The following AFF3 variants were observed in gnomAD, a reference collection of about 807,000 sequenced individuals.
AFF3 encodes the protein ALF transcription elongation factor 3, also known as AF4/FMR2 family member 3.
A neutral mutation model predicts 129.7 loss-of-function variants in AFF3; 32 were observed. The ratio of observed to expected loss-of-function variants is 0.25; its 90% confidence interval spans 0.19 to 0.33. The LOEUF is 0.33. Ranked by LOEUF, AFF3 falls within the 10% of genes least tolerant of loss-of-function variation. The pLI is 1.00. For missense variants in AFF3, 1,373 were observed against 1,592.0 expected, an observed-to-expected ratio of 0.86 and a Z score of 2.34; for synonymous variants, 644 against 635.4, an observed-to-expected ratio of 1.01 and a Z score of -0.20.
At chr2:99,831,525 CA>C (rs1248562598) in intron 8 of AFF3, among the ~76,000 whole-genome samples, 1 of 152,172 alleles carries the variant, frequency 6.6e-6, no homozygotes, top group Non-Finnish European at 1.5e-5. Flanking sequence ...GGGGAATTTA[CA>C]CATTTGAAGG....
chr2:99,672,016 A>G (rs9678859), intron 12 of AFF3, among the ~76,000 whole-genome samples: 128,057 of 152,084 alleles, frequency 0.84, 53,981 homozygotes, highest in East Asian at 0.92. Flanking sequence ...TACTGAGCAT[A>G]ATTACTTTTT....
At chr2:100,016,731 A>C (rs1483628892) in intron 4 of AFF3, among the ~76,000 whole-genome samples, 1 of 142,146 alleles carries the variant, frequency 7.0e-6, no homozygotes, top group Non-Finnish European at 1.5e-5. Flanking sequence ...AGCGATGGTG[A>C]TAGTATTGGT....
chr2:99,665,300 G>T (rs1686582308), intron 12 of AFF3, among the ~76,000 whole-genome samples: 1 of 152,194 alleles, frequency 6.6e-6, no homozygotes, highest in Non-Finnish European at 1.5e-5. Context: ...AAATACAATA[G>T]TTTATACCAG....
At chr2:100,088,058 T>C (rs1284782637) in intron 4 of AFF3, among the ~76,000 whole-genome samples, 317 of 148,138 alleles carry the variant, frequency 2.1e-3, no homozygotes, top group South Asian at 0.011. Context: ...AACCAACAGA[T>C]AATATCACAC....
intron 7 of AFF3, among the ~76,000 whole-genome samples, chr2:99,947,376 G>A (rs749167335): frequency 2.6e-5 from 4 of 152,172 alleles, no homozygotes; most frequent in African/African-American, 4.8e-5. Flanking sequence ...CTGGGAGGCA[G>A]AGGTTGCAGC....
At chr2:99,804,346 C>T (rs954482530) in intron 8 of AFF3, among the ~76,000 whole-genome samples, 10 of 152,184 alleles carry the variant, frequency 6.6e-5, no homozygotes. Context: ...TGTTCAACAT[C>T]AGTAATCATC....
intron 7 of AFF3, among the ~76,000 whole-genome samples, chr2:99,969,367 T>TA (rs532475399): frequency 2.2e-4 from 34 of 152,358 alleles, no homozygotes; most frequent in Non-Finnish European, 4.0e-4. Flanking sequence ...TGGGATGGAG[T>TA]AAACTCCTTT....
intron 11 of AFF3, among the ~76,000 whole-genome samples, chr2:99,698,117 C>T (rs1234203111): frequency 6.6e-6 from 1 of 152,176 alleles, no homozygotes; most frequent in Non-Finnish European, 1.5e-5. Flanking sequence ...CAAGAGCTAG[C>T]CCATCTCTGA....
intron 13 of AFF3, among the ~76,000 whole-genome samples, chr2:99,643,719 C>T (rs922429523): frequency 6.6e-6 from 1 of 152,174 alleles, no homozygotes; most frequent in African/African-American, 2.4e-5. Context: ...CCTACACTGC[C>T]AGGTGGGTAC....
chr2:99,919,349 T>A (rs775378098), intron 7 of AFF3, among the ~76,000 whole-genome samples: 1 of 152,172 alleles, frequency 6.6e-6, no homozygotes, highest in East Asian at 1.9e-4. Flanking sequence ...ATCTGTTTTA[T>A]GCCCTCTTGT....
chr2:99,868,653 T>A (rs1345339915), intron 7 of AFF3, among the ~76,000 whole-genome samples: 2 of 152,110 alleles, frequency 1.3e-5, no homozygotes, highest in Non-Finnish European at 2.9e-5. Context: ...TTAACCAGTA[T>A]CATCTATGAT....
chr2:99,641,648 A>G (rs963913725), intron 13 of AFF3, among the ~76,000 whole-genome samples: 1 of 152,214 alleles, frequency 6.6e-6, no homozygotes, highest in Admixed American at 6.5e-5. Context: ...ACTGTACTCC[A>G]GCCTGGGCAA....
chr2:100,048,930 A>G (rs1161543805), intron 4 of AFF3, among the ~76,000 whole-genome samples: 7 of 152,180 alleles, frequency 4.6e-5, no homozygotes, highest in African/African-American at 1.7e-4. Flanking sequence ...TAAAAAGCAA[A>G]TTCGGTTTTT....
At chr2:100,069,742 T>C (rs1369262829) in intron 4 of AFF3, among the ~76,000 whole-genome samples, 1 of 152,246 alleles carries the variant, frequency 6.6e-6, no homozygotes, top group Non-Finnish European at 1.5e-5. Flanking sequence ...GCCTTATCTA[T>C]GTGAATAATG....
chr2:99,603,669 G>T (rs528076832), intron 13 of AFF3, among the ~76,000 whole-genome samples: 2 of 152,258 alleles, frequency 1.3e-5, no homozygotes, highest in African/African-American at 2.4e-5. Context: ...CACAGCAAAA[G>T]AAACTATCAA....
At chr2:100,075,431 G>C (rs1362367499) in intron 4 of AFF3, among the ~76,000 whole-genome samples, 4 of 152,086 alleles carry the variant, frequency 2.6e-5, no homozygotes, top group African/African-American at 4.8e-5. Context: ...TATGCAGAAA[G>C]TGCAACAAAT....
chr2:99,795,253 C>T (rs746547622), intron 8 of AFF3, among the ~76,000 whole-genome samples: 2 of 152,172 alleles, frequency 1.3e-5, no homozygotes, highest in African/African-American at 2.4e-5. Context: ...ACATCCCTGG[C>T]TGCACTGGAG....
intron 8 of AFF3, among the ~76,000 whole-genome samples, chr2:99,774,528 T>G (rs1451884141): frequency 6.6e-6 from 1 of 152,116 alleles, no homozygotes; most frequent in East Asian, 1.9e-4. Flanking sequence ...CTGAGAGAAC[T>G]GACTAGCGAT....
intron 8 of AFF3, among the ~76,000 whole-genome samples, chr2:99,754,581 G>T (rs1575877058): frequency 6.6e-6 from 1 of 152,142 alleles, no homozygotes. Flanking sequence ...AGCAACTCAA[G>T]AATAAATAAA....
Sources: allele counts gnomAD v4.1 joint callset (sites outside exome capture counted in the v4.1 genomes callset), GRCh38; gene constraint gnomAD v4.1.1; transcripts MANE v1.5; gene names NCBI Gene and HGNC (gene_info 2026-07-23, HGNC 2026-07-21).